CD86: variants seen among roughly 807,000 people sequenced by gnomAD.
CD86 encodes the protein T-lymphocyte activation antigen CD86.
A neutral mutation model predicts 32.1 loss-of-function variants in CD86; 11 were observed. The observed-to-expected ratio is 0.34, with a 90% CI of 0.22 to 0.57. CD86 has a LOEUF of 0.57. CD86 is among the 20% of genes least tolerant of loss of function. CD86 has a pLI of 0.86. For missense variants in CD86, 359 were observed against 398.4 expected (o/e 0.90, Z 0.84); for synonymous variants, 137 against 135.3 (o/e 1.01, Z -0.09).
intron 1 of CD86, among the ~76,000 whole-genome samples, chr3:122,071,578 G>A (rs745683141): frequency 6.6e-6 from 1 of 152,080 alleles, no homozygotes; most frequent in Non-Finnish European, 1.5e-5. Flanking sequence ...TTCACGTGTA[G>A]GTTTTGTGTG....
intron 3 of CD86, 118 bp from the exon 4 acceptor site, chr3:122,106,080 C>A (rs2073086844): frequency 1.4e-6 from 1 of 706,324 alleles, no homozygotes; most frequent in Non-Finnish European, 2.3e-6. Flanking sequence ...TTTTAGACAC[C>A]CTGAGGCTCC....
At chr3:122,058,062 T>A (rs1380218851) in intron 1 of CD86, among the ~76,000 whole-genome samples, 3 of 152,190 alleles carry the variant, frequency 2.0e-5, no homozygotes, top group Non-Finnish European at 4.4e-5. Context: ...CGTAAAGTAG[T>A]TGTGAGATTT....
chr3:122,117,229 C>T (rs1186980943), intron 5 of CD86, among the ~76,000 whole-genome samples: 2 of 152,154 alleles, frequency 1.3e-5, no homozygotes, highest in African/African-American at 4.8e-5. Flanking sequence ...CACTCTTCCC[C>T]CCAAGTACCC....
intron 5 of CD86, among the ~76,000 whole-genome samples, chr3:122,115,149 A>G (rs1198291853): frequency 6.6e-6 from 1 of 152,242 alleles, no homozygotes; most frequent in Non-Finnish European, 1.5e-5. Flanking sequence ...ATTAAAACTG[A>G]TAAGTGAGTG....
chr3:122,093,731 C>G (rs1463635645), intron 2 of CD86, among the ~76,000 whole-genome samples: 1 of 152,152 alleles, frequency 6.6e-6, no homozygotes, highest in Non-Finnish European at 1.5e-5. Context: ...GTGCCTGGTA[C>G]TGTTCTAAGT....
chr3:122,091,803 G>A, intron 2 of CD86, 153 bp downstream of exon 2: 2 of 666,384 alleles, frequency 3.0e-6, no homozygotes, highest in Non-Finnish European at 5.4e-6. Flanking sequence ...TCCTGGAGAA[G>A]AAGGAAGTGT....
chr3:122,097,819 T>G (rs1421936598), intron 2 of CD86, among the ~76,000 whole-genome samples: 1 of 152,162 alleles, frequency 6.6e-6, no homozygotes, highest in Non-Finnish European at 1.5e-5. Context: ...TGCTAGGTAC[T>G]GAGTCCGAGT....
intron 1 of CD86, among the ~76,000 whole-genome samples, chr3:122,077,157 GC>G (rs2072566617): frequency 6.6e-6 from 1 of 152,174 alleles, no homozygotes; most frequent in Non-Finnish European, 1.5e-5. Context: ...CCCACACTGA[GC>G]AGAGGACTTT....
At chr3:122,111,767 C>A (rs2073178148) in intron 5 of CD86, among the ~76,000 whole-genome samples, 2 of 152,210 alleles carry the variant, frequency 1.3e-5, no homozygotes, top group East Asian at 1.9e-4. Context: ...CACAGAGACA[C>A]AAGCTTACTG....
At chr3:122,095,025 G>T (rs1484928360) in intron 2 of CD86, among the ~76,000 whole-genome samples, 15 of 152,212 alleles carry the variant, frequency 9.9e-5, no homozygotes, top group Admixed American at 9.8e-4. Flanking sequence ...TCAGGAGGAA[G>T]TATCTTTCCA....
At position 122,118,044 on chromosome 3, in the gene CD86, T is replaced by C. The variant is rs200541347; in HGVS notation, c.848-4T>C. 61 of 1,612,778 alleles carry C rather than the reference T, an allele frequency of 3.8e-5. No individual in the cohort carries two copies. Among genetic ancestry groups the C allele is most frequent in the Non-Finnish European group, 4.0e-5 (47 of 1,179,044 alleles). Reference sequence around the variant, plus strand: ...TTTTGAAGATTGTTCTTGGTGTCTTTCAGGAACCAACACAATGGAGAGGGA... The same window carrying C: ...TTTTGAAGATTGTTCTTGGTGTCTTCCAGGAACCAACACAATGGAGAGGGA... On this transcript the variant is annotated splice_polypyrimidine_tract_variant and splice_region_variant and intron_variant, in intron 5 of 6. Coordinates refer to ENST00000330540, the MANE Select transcript of CD86 (RefSeq NM_175862.5).
At chr3:122,056,644 A>G (rs1365416937) in intron 1 of CD86, among the ~76,000 whole-genome samples, 2 of 152,146 alleles carry the variant, frequency 1.3e-5, no homozygotes, top group Non-Finnish European at 2.9e-5. Flanking sequence ...GTCACTATGT[A>G]TTTATAATTA....
At chr3:122,119,215 G>T (rs1009547797) in intron 6 of CD86, among the ~76,000 whole-genome samples, 1 of 152,212 alleles carries the variant, frequency 6.6e-6, no homozygotes, top group Non-Finnish European at 1.5e-5. Flanking sequence ...CCGGCAGAGG[G>T]CATGGGAAGG....
chr3:122,081,836 T>G (rs1178488261), intron 1 of CD86, among the ~76,000 whole-genome samples: 1 of 152,186 alleles, frequency 6.6e-6, no homozygotes, highest in African/African-American at 2.4e-5. Flanking sequence ...TATTACCACC[T>G]TTACACCACC....
chr3:122,085,673 A>G (rs1186314925), intron 1 of CD86, among the ~76,000 whole-genome samples: 1 of 152,122 alleles, frequency 6.6e-6, no homozygotes, highest in Non-Finnish European at 1.5e-5. Context: ...AAAGGGCAGG[A>G]TGAGGGGAGG....
intron 5 of CD86, among the ~76,000 whole-genome samples, chr3:122,114,921 A>C (rs2073227179): frequency 6.6e-6 from 1 of 152,252 alleles, no homozygotes; most frequent in African/African-American, 2.4e-5. Context: ...ATAATATTTC[A>C]TGATAGAAGA....
At position 122,103,860 on chromosome 3, in the gene CD86, T is replaced by C; in HGVS notation, c.400+13T>C. ...CTGTCAGTGCTTGGTATGTGGTCAA[T>C]GGTGTGTGTTCAGATTCTTAGCCTT... On this transcript the variant is annotated intron_variant, in intron 3 of 6. Transcript: ENST00000330540. The C allele has an allele frequency of 6.3e-7, 1 of 1,596,460 alleles. No individual in the cohort carries two copies. The highest frequency in any genetic ancestry group is 8.6e-7 in the Non-Finnish European group (1 of 1,165,918).
In CD86 at chr3:122,120,975, A is replaced by G. The variant is rs984587783; in HGVS notation, c.*1441A>G. 1 of 152,250 alleles carries G rather than the reference A, an allele frequency of 6.6e-6. No homozygotes were observed. Among genetic ancestry groups the G allele is most frequent in the Non-Finnish European group, 1.5e-5 (1 of 68,042 alleles). The allele number at this position is 152,250 out of a possible 1,614,324, so 9.4% of individuals were successfully genotyped here. A position where few individuals can be genotyped will look rare whatever the true frequency, so the allele number is the denominator to read the frequency against. ...AGCCACAAAAATGTTCCTTTATTTT[A>G]TGTAAACCCTCAAGGGTTATAGACT... is the stretch of plus-strand genomic sequence containing the variant. On this transcript the variant is annotated 3_prime_UTR_variant, in exon 7 of 7. Coordinates refer to ENST00000330540, the MANE Select transcript of CD86 (RefSeq NM_175862.5).
intron 1 of CD86, among the ~76,000 whole-genome samples, chr3:122,072,331 T>A (rs2072499925): frequency 6.6e-6 from 1 of 150,818 alleles, no homozygotes; most frequent in Non-Finnish European, 1.5e-5. Context: ...GTTGAACTAG[T>A]TTACAGTCCC....
Sources: gnomAD v4.1 joint callset for allele counts (sites outside exome capture counted in the v4.1 genomes callset) on GRCh38, gnomAD v4.1.1 for gene constraint, MANE v1.5 for transcripts, NCBI Gene and HGNC (gene_info 2026-07-23, HGNC 2026-07-21) for gene names.